Variants in HSD11B1 observed in about 807,000 individuals in gnomAD.
HSD11B1 encodes the protein 11-beta-hydroxysteroid dehydrogenase 1.
Under a neutral mutation model 22.1 loss-of-function variants are expected in HSD11B1, and 15 were observed. That is an observed-to-expected ratio of 0.68 (90% CI 0.45 to 1.04). The LOEUF (loss-of-function observed/expected upper bound fraction) is 1.04, where lower values mean the gene tolerates loss of function less well. Ranked by LOEUF, HSD11B1 falls within the 50% of genes least tolerant of loss-of-function variation. HSD11B1 has a pLI of 0.00. For synonymous variants in HSD11B1, 122 were observed against 125.2 expected (o/e 0.97, Z 0.17); for missense variants, 281 against 357.6 (o/e 0.79, Z 1.73).
rs1192965946 is a variant in HSD11B1, at chr1:209,706,705, G to A, written c.220-4G>A. On this transcript the variant is annotated splice_polypyrimidine_tract_variant and splice_region_variant and intron_variant, in intron 2 of 5. Transcript: ENST00000367027. This position sits in a 1 kb window ranked among gnomAD's most constrained non-coding sequence, Gnocchi z 4.0. ...CTGATGCCATTTCTGCTGTATCACT[G>A]CAGGTGGTATCCCACTGCCTGGAGC... is the stretch of plus-strand genomic sequence containing the variant. The A allele has an allele frequency of 6.2e-7, 1 of 1,606,258 alleles. No homozygotes were observed. The highest frequency in any genetic ancestry group is 8.5e-7 in the Non-Finnish European group (1 of 1,173,786).
chr1:209,727,199 C>A (rs1166367410), intron 4 of HSD11B1, among the ~76,000 whole-genome samples: 9 of 152,192 alleles, frequency 5.9e-5, no homozygotes, highest in Admixed American at 2.0e-4. Flanking sequence ...GCCAGCACAA[C>A]TCAGCTCCAA....
chr1:209,731,743 C>T (rs1053829639), intron 4 of HSD11B1, among the ~76,000 whole-genome samples: 6 of 152,100 alleles, frequency 3.9e-5, no homozygotes, highest in Admixed American at 6.5e-5. Flanking sequence ...GAGATGGAGT[C>T]TCTCTCTGTC....
intron 4 of HSD11B1, among the ~76,000 whole-genome samples, chr1:209,728,082 G>A (rs2077014548): frequency 6.6e-6 from 1 of 152,242 alleles, no homozygotes; most frequent in East Asian, 1.9e-4. Context: ...AGCATTTCTA[G>A]TACACTGTAG....
intron 1 of HSD11B1, among the ~76,000 whole-genome samples, chr1:209,689,308 A>G (rs2076745702): frequency 6.6e-6 from 1 of 152,164 alleles, no homozygotes; most frequent in African/African-American, 2.4e-5. Context: ...AACCAAAGAG[A>G]CAAACACTAC....
chr1:209,690,601 G>T lies in HSD11B1; in HGVS notation c.-49+4316G>T, dbSNP rs192523555. Reference sequence around the variant, plus strand: ...AATCCCATCTACTCAGGAGGCTGAGGCAGGAGAACCGCTTGAACCCGGAAG... The same window carrying T: ...AATCCCATCTACTCAGGAGGCTGAGTCAGGAGAACCGCTTGAACCCGGAAG... On this transcript the variant is annotated intron_variant, in intron 1 of 6. Coordinates refer to the HSD11B1 transcript ENST00000261465. Among the ~76,000 whole-genome samples, 705 of 152,094 alleles carry T rather than the reference G, an allele frequency of 4.6e-3. 7 individuals carry two copies. The highest frequency in any genetic ancestry group is 6.2e-3 in the Non-Finnish European group (420 of 67,984).
Position 209,706,633 on chromosome 1 carries a change from G to GC in HSD11B1, c.220-70dup. 1.1e-6 allele frequency: 1 copy of GC among 923,554 alleles called. No homozygotes were observed. Among genetic ancestry groups the GC allele is most frequent in the Admixed American group, 1.7e-5 (1 of 58,990 alleles). 57.2% of individuals were successfully genotyped at this position (923,554 alleles called of 1,614,324 possible). On this transcript the variant is annotated intron_variant, in intron 2 of 5. Transcript: ENST00000367027. This position sits in a 1 kb window ranked among gnomAD's most constrained non-coding sequence, Gnocchi z 4.0. ...GGGCTGTGAGCAATCTCTCATTTAA[G>GC]CCCCCCGTTACTTCAGAGACTACCC...
Position 209,706,082 on chromosome 1 carries a change from A to C in HSD11B1, c.219+141A>C, listed in dbSNP as rs370144465. The C allele has an allele frequency of 1.9e-6, 2 of 1,072,048 alleles. No individual in the cohort carries two copies. The highest frequency in any genetic ancestry group is 1.6e-5 in the African/African-American group (1 of 64,028). The allele number at this position is 1,072,048 out of a possible 1,614,324, so 66.4% of individuals were successfully genotyped here. On this transcript the variant is annotated intron_variant, in intron 2 of 5. Transcript: ENST00000367027. The surrounding 1 kb of genome is among the most constrained non-coding windows in gnomAD (Gnocchi z 4.0). Reference sequence around the variant, plus strand: ...CACACACACAGACACTTAATTTTGCACTCTCATATATAGATTCAAACACCA... The same window carrying C: ...CACACACACAGACACTTAATTTTGCCCTCTCATATATAGATTCAAACACCA...
At chr1:209,716,119 C>T (rs1468692448) in intron 4 of HSD11B1, among the ~76,000 whole-genome samples, 1 of 152,054 alleles carries the variant, frequency 6.6e-6, no homozygotes, top group Non-Finnish European at 1.5e-5. Flanking sequence ...AAAAGACATC[C>T]AAACTAGAAA....
At chr1:209,712,614 G>A (rs1571876782) in intron 4 of HSD11B1, among the ~76,000 whole-genome samples, 1 of 152,190 alleles carries the variant, frequency 6.6e-6, no homozygotes, top group East Asian at 1.9e-4. Flanking sequence ...TTTGAATACT[G>A]AGAGATGACT....
chr1:209,724,981 T>C (rs773042749), intron 4 of HSD11B1, among the ~76,000 whole-genome samples: 8 of 152,182 alleles, frequency 5.3e-5, no homozygotes, highest in Non-Finnish European at 1.0e-4. Flanking sequence ...GAAACAATAA[T>C]AAAACTCCAA....
chr1:209,724,986 C>T lies in HSD11B1; in HGVS notation c.518-7450C>T, dbSNP rs190276342. Among the ~76,000 whole-genome samples, 3 of 152,194 alleles carry T rather than the reference C, an allele frequency of 2.0e-5. No individual in the cohort carries two copies. The East Asian group carries it at 5.8e-4, about 29-fold the overall frequency. On this transcript the variant is annotated intron_variant, in intron 4 of 5. Coordinates refer to ENST00000367027, the MANE Select transcript of HSD11B1 (RefSeq NM_005525.4). ...GAAAAAAATGGAAACAATAATAAAA[C>T]TCCAAAAACTAAGGATTTTCTTTTC...
chr1:209,711,276 A>T (rs2076893025), intron 4 of HSD11B1, among the ~76,000 whole-genome samples: 1 of 151,164 alleles, frequency 6.6e-6, no homozygotes, highest in African/African-American at 2.4e-5. Flanking sequence ...TGGCATACCC[A>T]CTCCTTCCTG....
At chr1:209,704,522 C>A (rs1480975233), upstream of HSD11B1, among the ~76,000 whole-genome samples, 1 of 151,978 alleles carries the variant, frequency 6.6e-6, no homozygotes, top group African/African-American at 2.4e-5. Flanking sequence ...CTCACATTTC[C>A]CCCCAGAAGC....
intron 5 of HSD11B1, among the ~76,000 whole-genome samples, chr1:209,733,346 T>A (rs1383689464): frequency 1.3e-5 from 2 of 152,016 alleles, no homozygotes; most frequent in Non-Finnish European, 2.9e-5. Context: ...TTATAAAACA[T>A]TTGGTCAGTA....
upstream of HSD11B1, chr1:209,686,260 A>G (rs2076727966): frequency 6.6e-6 from 1 of 152,250 alleles, no homozygotes; most frequent in Non-Finnish European, 1.5e-5. Flanking sequence ...CAATAAAAAG[A>G]AGTCAGATTT....
Position 209,689,303 on chromosome 1 carries a change from A to G in HSD11B1, c.-49+3018A>G, listed in dbSNP as rs912652975. 3.9e-5 allele frequency among the ~76,000 whole-genome samples: 6 copies of G among 152,268 alleles called. No individual in the cohort carries two copies. The South Asian group carries it at 6.2e-4, about 16-fold the overall frequency. On this transcript the variant is annotated intron_variant, in intron 1 of 6. Transcript: ENST00000261465. ...CTTCCCTGTAGAAAGGACTCAACCA[A>G]AGAGACAAACACTACAGACATTGAT...
upstream of HSD11B1, among the ~76,000 whole-genome samples, chr1:209,703,661 A>T (rs2076838092): frequency 6.6e-6 from 1 of 152,134 alleles, no homozygotes; most frequent in African/African-American, 2.4e-5. Context: ...CTGCACTTGG[A>T]ATCATAACTT....
chr1:209,725,461 C>T (rs557355944), intron 4 of HSD11B1, among the ~76,000 whole-genome samples: 2 of 152,222 alleles, frequency 1.3e-5, no homozygotes, highest in Middle Eastern at 3.4e-3. Context: ...CCTGATAGTC[C>T]AATATCATTC....
chr1:209,703,552 A>G (rs2076837373), upstream of HSD11B1, among the ~76,000 whole-genome samples: 1 of 152,184 alleles, frequency 6.6e-6, no homozygotes, highest in Non-Finnish European at 1.5e-5. Context: ...AGTGACCCTC[A>G]CAGCTGTGGG....
Sources: allele counts gnomAD v4.1 joint callset (sites outside exome capture counted in the v4.1 genomes callset), GRCh38; gene constraint gnomAD v4.1.1; non-coding constraint Gnocchi (gnomAD v3.1); transcripts MANE v1.5; gene names NCBI Gene and HGNC (gene_info 2026-07-23, HGNC 2026-07-21).